ALK: variants seen among roughly 807,000 people sequenced by gnomAD.
The protein encoded by ALK is ALK tyrosine kinase receptor.
Under a neutral mutation model 163.1 loss-of-function variants are expected in ALK, and 74 were observed. That is an observed-to-expected ratio of 0.45 (90% confidence interval 0.38 to 0.55). The LOEUF (loss-of-function observed/expected upper bound fraction) is 0.55. Ranked by LOEUF, ALK falls within the 20% of genes least tolerant of loss-of-function variation. The pLI is 0.00. For missense variants in ALK, 2,063 were observed against 2,105.3 expected (o/e 0.98, Z 0.39); for synonymous variants, 960 against 843.2 (o/e 1.14, Z -2.40).
chr2:29,878,576 C>T (rs1304907240), intron 1 of ALK, among the ~76,000 whole-genome samples: 1 of 152,194 alleles, frequency 6.6e-6, no homozygotes, highest in Non-Finnish European at 1.5e-5. Flanking sequence ...AAAACAACTT[C>T]CCCTAGCTCA....
chr2:29,255,975 C>T (rs568987388), intron 11 of ALK, among the ~76,000 whole-genome samples: 1 of 152,138 alleles, frequency 6.6e-6, no homozygotes, highest in Non-Finnish European at 1.5e-5. Flanking sequence ...AAGAATCTGG[C>T]AGGTACTTCA....
At chr2:29,341,812 C>T (rs570506367) in intron 5 of ALK, among the ~76,000 whole-genome samples, 12 of 152,282 alleles carry the variant, frequency 7.9e-5, no homozygotes, top group African/African-American at 1.9e-4. Flanking sequence ...AACCTGGAAA[C>T]GGGTAGAGTC....
At chr2:29,648,552 T>C (rs1203339772) in intron 3 of ALK, among the ~76,000 whole-genome samples, 2 of 152,170 alleles carry the variant, frequency 1.3e-5, no homozygotes, top group East Asian at 3.9e-4. Flanking sequence ...TTCTACTGTC[T>C]GTCTCTGTGA....
At chr2:29,421,105 A>C (rs1670005528) in intron 4 of ALK, among the ~76,000 whole-genome samples, 1 of 151,452 alleles carries the variant, frequency 6.6e-6, no homozygotes, top group Admixed American at 6.6e-5. Context: ...TAGCTTCCAA[A>C]GGGGAGATTG....
At chr2:29,821,749 G>T (rs1254030075) in intron 1 of ALK, among the ~76,000 whole-genome samples, 1 of 152,158 alleles carries the variant, frequency 6.6e-6, no homozygotes, top group Non-Finnish European at 1.5e-5. Flanking sequence ...GCCTCCCTCA[G>T]CTGTTCCCAT....
At chr2:29,717,882 A>C (rs557509624) in intron 1 of ALK, among the ~76,000 whole-genome samples, 185 bp from the exon 2 acceptor site, 1 of 152,322 alleles carries the variant, frequency 6.6e-6, no homozygotes, top group Middle Eastern at 3.4e-3. Flanking sequence ...TACATTTTCT[A>C]TCAAGGGCAG....
At chr2:29,765,452 T>G (rs1680833799) in intron 1 of ALK, among the ~76,000 whole-genome samples, 1 of 152,034 alleles carries the variant, frequency 6.6e-6, no homozygotes, top group South Asian at 2.1e-4. Context: ...GCTATCAGAG[T>G]GAGCTTGCTT....
At chr2:29,853,219 A>G (rs189588155) in intron 1 of ALK, among the ~76,000 whole-genome samples, 2 of 152,188 alleles carry the variant, frequency 1.3e-5, no homozygotes, top group African/African-American at 2.4e-5. Flanking sequence ...TCCACTCCCC[A>G]GCTTCTGCAC....
intron 9 of ALK, among the ~76,000 whole-genome samples, chr2:29,280,428 G>C (rs1469674628): frequency 6.6e-6 from 1 of 151,698 alleles, no homozygotes; most frequent in African/African-American, 2.4e-5. Context: ...GAAAGTTCTA[G>C]AATGTACCCG....
intron 3 of ALK, among the ~76,000 whole-genome samples, chr2:29,559,905 G>A (rs1434875360): frequency 6.6e-6 from 1 of 151,884 alleles, no homozygotes; most frequent in Non-Finnish European, 1.5e-5. Flanking sequence ...AGCCCCACAT[G>A]GCTATTAAAC....
At chr2:29,651,416 T>C (rs532101071) in intron 3 of ALK, among the ~76,000 whole-genome samples, 1 of 152,306 alleles carries the variant, frequency 6.6e-6, no homozygotes, top group South Asian at 2.1e-4. Context: ...GAGGGTCATG[T>C]CCAAGGTCAA....
At chr2:29,377,273 G>A (rs55866226) in intron 5 of ALK, among the ~76,000 whole-genome samples, 10,206 of 152,064 alleles carry the variant, frequency 0.067, 390 homozygotes, top group East Asian at 0.17. Flanking sequence ...TCAGGAGTTC[G>A]AGACCAGCCT....
At chr2:29,416,120 A>T (rs1244084135) in intron 4 of ALK, among the ~76,000 whole-genome samples, 1 of 152,178 alleles carries the variant, frequency 6.6e-6, no homozygotes, top group Admixed American at 6.5e-5. Context: ...CATAATAGAT[A>T]TGCTTTCATA....
chr2:29,667,120 G>A (rs1030737933), intron 3 of ALK, among the ~76,000 whole-genome samples: 2 of 152,070 alleles, frequency 1.3e-5, no homozygotes, highest in African/African-American at 4.8e-5. Context: ...TTTGACTATT[G>A]TGAATAGTGT....
rs74491302 is a variant in ALK at position 29,592,062 on chromosome 2, C to G, written c.953-59946G>C. 7.9e-3 allele frequency among the ~76,000 whole-genome samples: 1,200 copies of G among 152,168 alleles called. 15 individuals carry two copies. The highest frequency in any genetic ancestry group is 0.028 in the African/African-American group (1,159 of 41,498). On this transcript the variant is annotated intron_variant, in intron 3 of 28. Coordinates refer to ENST00000389048, the MANE Select transcript of ALK (RefSeq NM_004304.5). The stretch of plus-strand genomic sequence containing the variant: ...CACTGGAGAACCAGCTCCCCAAAAT[C>G]CAGATGACAGTGCTTCCGGAGGGGC...
At chr2:29,753,672 C>G (rs189986371) in intron 1 of ALK, among the ~76,000 whole-genome samples, 16 of 152,314 alleles carry the variant, frequency 1.1e-4, no homozygotes, top group South Asian at 2.1e-4. Context: ...GCTACCTGCT[C>G]TAAGGTCCAA....
intron 4 of ALK, among the ~76,000 whole-genome samples, chr2:29,417,086 C>T (rs564602315): frequency 3.5e-4 from 49 of 139,024 alleles, no homozygotes; most frequent in Admixed American, 2.7e-3. Flanking sequence ...CTTCTGGGTT[C>T]ACGCCATTCT....
chr2:29,295,015 C>T (rs4268897), intron 9 of ALK, among the ~76,000 whole-genome samples: 17,602 of 152,182 alleles, frequency 0.12, 1,049 homozygotes, highest in African/African-American at 0.14. Flanking sequence ...AGGGCAGCTT[C>T]CAACCTCAGA....
intron 4 of ALK, among the ~76,000 whole-genome samples, chr2:29,517,710 T>C (rs1415208633): frequency 6.6e-6 from 1 of 152,234 alleles, no homozygotes; most frequent in Non-Finnish European, 1.5e-5. Context: ...ATTATCAGGA[T>C]TGCAGCCTTG....
Sources: allele counts gnomAD v4.1 joint callset (sites outside exome capture counted in the v4.1 genomes callset), GRCh38; gene constraint gnomAD v4.1.1; transcripts MANE v1.5; gene names NCBI Gene and HGNC (gene_info 2026-07-23, HGNC 2026-07-21).